Variants in OPN4 observed in about 807,000 individuals in gnomAD.
OPN4 encodes opsin 4, also known as melanopsin.
In OPN4, 43 loss-of-function variants were observed where a neutral mutation model predicts 49.5. The ratio of observed to expected loss-of-function variants is 0.87; its 90% CI spans 0.68 to 1.12. The LOEUF is 1.12. Among genes scored for constraint, OPN4 ranks in the 50% most tolerant of loss-of-function variants. The pLI is 0.00. For missense variants in OPN4, 657 were observed against 643.9 expected, an observed-to-expected ratio of 1.02 and a Z score of -0.22; for synonymous variants, 263 against 258.0, an observed-to-expected ratio of 1.02 and a Z score of -0.19.
intron 8 of OPN4, 61 bp downstream of exon 8, chr10:86,662,493 G>T: frequency 6.7e-7 from 1 of 1,487,178 alleles, no homozygotes; most frequent in South Asian, 1.2e-5. Context: ...GCAGCCCTGG[G>T]GCTCTGGGGA....
At chr10:86,657,386 G>C (rs533751407) in intron 2 of OPN4, among the ~76,000 whole-genome samples, 43 of 152,330 alleles carry the variant, frequency 2.8e-4, no homozygotes, top group African/African-American at 8.4e-4. Context: ...CAGGAGCCGA[G>C]GCTGGTGAAA....
At chr10:86,656,422 G>GCCCTGCCCTCCTTGCCT in intron 2 of OPN4, 122 bp downstream of exon 2, 4 of 1,260,220 alleles carry the variant, frequency 3.2e-6, no homozygotes, top group Non-Finnish European at 4.4e-6. Flanking sequence ...GCTAGGCAAG[G>GCCCTGCCCTCCTTGCCT]AGGGCAGGGC....
chr10:86,660,033 C>T lies in OPN4; in HGVS notation c.939C>T (p.Ser313=), dbSNP rs139597112. 105 of 1,614,210 alleles carry T rather than the reference C, an allele frequency of 6.5e-5. No homozygotes were observed. The highest frequency in any genetic ancestry group is 1.4e-4 in the South Asian group (13 of 91,080). ...TCGTGCTCTCCTGGGCTCCCTATTC[C>T]GCTGTGGCCCTGGTGGCCTTTGCTG... ...LLFVLSWAPY[S]AVALVAFAGY... is the part of the protein sequence containing the mutation. Residue 313 remains serine, a synonymous_variant, in exon 6 of 10, where the codon TCC becomes TCT. Coordinates refer to ENST00000241891, the MANE Select transcript of OPN4 (RefSeq NM_033282.4).
rs1041022881 is a variant in OPN4, at chr10:86,658,071, C to G, written c.330C>G (p.Ile110Met). ...SLRTPANMFI[I>M]NLAVSDFLMS... Reference sequence around the variant, plus strand: ...GGACACCTGCCAACATGTTCATTATCAACCTCGCGGTCAGCGACTTCCTCA... The same window carrying G: ...GGACACCTGCCAACATGTTCATTATGAACCTCGCGGTCAGCGACTTCCTCA... The change falls in exon 3 of 10, where the codon ATC becomes ATG. Residue 110 changes from isoleucine to methionine, a missense_variant. Transcript: ENST00000241891. 3 of 1,613,798 alleles carry G rather than the reference C, an allele frequency of 1.9e-6. No individual in the cohort carries two copies. The African/African-American group carries it at 4.0e-5, about 22-fold the overall frequency.
rs376526023 is a variant in OPN4 at position 86,665,796 on chromosome 10, C to A, written c.*45C>A. The A allele has an allele frequency of 2.4e-5, 36 of 1,470,094 alleles. No individual in the cohort carries two copies. The Admixed American group carries it at 2.7e-4, about 11-fold the overall frequency. The allele number at this position is 1,470,094 out of a possible 1,614,324, so 91.1% of individuals were successfully genotyped here. ...TTTCTTCTGAGACACATCCAGCCCC[C>A]CCACGTCTCCCTCATATACACAGAC... On this transcript the variant is annotated 3_prime_UTR_variant, in exon 10 of 10. Transcript: ENST00000241891.
chr10:86,659,980 A>T lies in OPN4; in HGVS notation c.886A>T (p.Lys296Ter), dbSNP rs1190911717. Residue 296 changes from lysine (K) to a stop codon, truncating the protein, a stop_gained, in exon 6 of 10, where the codon AAG becomes TAG. Transcript: ENST00000241891. LOFTEE classifies it high-confidence loss of function. ...GCTGCAGAGCGAGTGCAAGATGGCC[A>T]AGATCATGCTGCTGGTCATCCTCCT... Reference protein sequence around the residue: ...QRLQSECKMAKIMLLVILLFV... With the variant: ...QRLQSECKMA 1 of 1,614,106 alleles carries T rather than the reference A, an allele frequency of 6.2e-7. No individual in the cohort carries two copies. The highest frequency in any genetic ancestry group is 8.5e-7 in the Non-Finnish European group (1 of 1,180,034).
rs756990280 is a variant in OPN4, at chr10:86,659,322, G to A, written c.654G>A (p.Leu218=). Residue 218 remains leucine, a synonymous_variant, in exon 5 of 10, where the codon CTG becomes CTA. Coordinates refer to ENST00000241891, the MANE Select transcript of OPN4 (RefSeq NM_033282.4). ...GCGCCTACGTGCCCGAGGGGTTGCT[G>A]ACATCCTGCTCCTGGGACTACATGA... is the stretch of plus-strand genomic sequence containing the variant. ...GWSAYVPEGL[L]TSCSWDYMSF... is the part of the protein sequence containing the mutation. 2 of 1,613,288 alleles carry A rather than the reference G, an allele frequency of 1.2e-6. No homozygotes were observed. The highest frequency in any genetic ancestry group is 1.7e-6 in the Non-Finnish European group (2 of 1,179,966).
chr10:86,656,116 G>A, intron 1 of OPN4, 39 bp from the exon 2 acceptor site: 1 of 1,613,686 alleles, frequency 6.2e-7, no homozygotes, highest in Non-Finnish European at 8.5e-7. Flanking sequence ...AAGGTGACAA[G>A]CGATAACATG....
intron 2 of OPN4, among the ~76,000 whole-genome samples, chr10:86,657,018 CA>C (rs1843885416): frequency 6.6e-6 from 1 of 151,848 alleles, no homozygotes; most frequent in Non-Finnish European, 1.5e-5. Context: ...CCCTGACACC[CA>C]CCCCCAGTGT....
At chr10:86,657,120 C>A in intron 2 of OPN4, 1 of 768,882 alleles carries the variant, frequency 1.3e-6, no homozygotes, top group Middle Eastern at 2.4e-4. Flanking sequence ...AGCCCCCTGG[C>A]TCTCCCACCT....
At chr10:86,665,338 A>T (rs1471371981) in intron 9 of OPN4, among the ~76,000 whole-genome samples, 1 of 152,128 alleles carries the variant, frequency 6.6e-6, no homozygotes, top group Non-Finnish European at 1.5e-5. Context: ...GGTGAAGACC[A>T]AAGAAGGAAG....
Position 86,662,326 on chromosome 10 carries a change from C to T in OPN4, c.1148C>T (p.Pro383Leu), listed in dbSNP as rs1318475775. Residue 383 changes from proline (P) to leucine (L), a missense_variant, in exon 8 of 10, where the codon CCC becomes CTC. Coordinates refer to ENST00000241891, the MANE Select transcript of OPN4 (RefSeq NM_033282.4). ...GVSRRHSRPY[P>L]SYRSTHRSTL... is the part of the protein sequence containing the mutation. ...TCACGCCGGCACAGTCGCCCCTACC[C>T]CAGCTACCGCTCCACCCACCGCTCC... The T allele has an allele frequency of 1.9e-6, 3 of 1,604,462 alleles. No individual in the cohort carries two copies. Among genetic ancestry groups the T allele is most frequent in the South Asian group, 1.1e-5 (1 of 88,978 alleles).
In OPN4 at chr10:86,657,584, A is replaced by G. The variant is rs112895465; in HGVS notation, c.291-448A>G. ...ATGGGAAAGCACAGTCAGGGCACGC[A>G]GGAGGAGGAACCTAGGGAGAAACCT... On this transcript the variant is annotated intron_variant, in intron 2 of 9. Transcript: ENST00000241891. 1.9e-4 allele frequency among the ~76,000 whole-genome samples: 29 copies of G among 152,308 alleles called. 1 individual carries two copies. The highest frequency in any genetic ancestry group is 6.0e-4 in the African/African-American group (25 of 41,570).
intron 9 of OPN4, chr10:86,664,049 ACT>A: frequency 2.2e-6 from 1 of 464,280 alleles, no homozygotes; most frequent in East Asian, 3.7e-5. Context: ...TGCAACTCTG[ACT>A]CTGCATGGTG....
chr10:86,666,436 AG>A lies in OPN4; in HGVS notation c.*686del. The A allele has an allele frequency of 4.3e-6, 1 of 231,956 alleles. No individual in the cohort carries two copies. Among genetic ancestry groups the A allele is most frequent in the Non-Finnish European group, 8.8e-6 (1 of 113,550 alleles). The allele number at this position is 231,956 out of a possible 1,614,324, so 14.4% of individuals were successfully genotyped here. On this transcript the variant is annotated 3_prime_UTR_variant, in exon 10 of 10. Transcript: ENST00000241891. The stretch of plus-strand genomic sequence containing the variant: ...TCTGACAGGGTATAGGAAAATAAAA[AG>A]CGGAGAAGGTGTCTTCAGACAAATA...
chr10:86,658,114 C>T lies in OPN4; in HGVS notation c.373C>T (p.Pro125Ser). The T allele has an allele frequency of 1.9e-6, 3 of 1,614,140 alleles. No individual in the cohort carries two copies. The highest frequency in any genetic ancestry group is 2.5e-6 in the Non-Finnish European group (3 of 1,180,028). ...SDFLMSFTQA[P>S]VFFTSSLYKQ... ...CTTCCTCATGTCCTTCACCCAGGCC[C>T]CTGTCTTCTTCACCAGTAGCCTCTA... Residue 125 changes from proline (P) to serine (S), a missense_variant, in exon 3 of 10, where the codon CCT (proline) becomes TCT (serine). Pro to Ser is a moderately conservative substitution (Grantham distance 74). Transcript: ENST00000241891.
chr10:86,665,872 T>A lies in OPN4; in HGVS notation c.*121T>A, dbSNP rs1844160981. The A allele has an allele frequency of 2.5e-6, 2 of 794,238 alleles. No individual in the cohort carries two copies. Among genetic ancestry groups the A allele is most frequent in the South Asian group, 3.2e-5 (2 of 63,172 alleles). The allele number at this position is 794,238 out of a possible 1,614,324, so 49.2% of individuals were successfully genotyped here. ...GCTTTGGAAGTGGCCCTGTCACCCGTGCTGCACGGGATTCACAGCCCCAGC... is the reference window on the plus strand; with the variant it reads ...GCTTTGGAAGTGGCCCTGTCACCCGAGCTGCACGGGATTCACAGCCCCAGC... On this transcript the variant is annotated 3_prime_UTR_variant, in exon 10 of 10. Coordinates refer to ENST00000241891, the MANE Select transcript of OPN4 (RefSeq NM_033282.4).
Position 86,658,498 on chromosome 10 carries a change from GC to G in OPN4, c.441del (p.Phe148SerfsTer11), listed in dbSNP as rs769563947. 1.2e-6 allele frequency: 2 copies of G among 1,614,176 alleles called. No individual in the cohort carries two copies. The highest frequency in any genetic ancestry group is 1.7e-6 in the Non-Finnish European group (2 of 1,180,040). Reference sequence around the variant, plus strand: ...TGTGCCCACAGGCTGCGAGTTCTATGCCTTCTGTGGAGCTCTCTTTGGCATT... The same window carrying G: ...TGTGCCCACAGGCTGCGAGTTCTATGCTTCTGTGGAGCTCTCTTTGGCATT... ...LFGETGCEFY[A>X]FCGALFGISS... On this transcript the variant is annotated frameshift_variant, in exon 4 of 10. Coordinates refer to ENST00000241891, the MANE Select transcript of OPN4 (RefSeq NM_033282.4). LOFTEE classifies it high-confidence loss of function.
chr10:86,664,129 G>A (rs2675695), intron 9 of OPN4: 7,515 of 258,480 alleles, frequency 0.029, 271 homozygotes, highest in Admixed American at 0.12. Flanking sequence ...GTCTGCAGCC[G>A]TCAGAGCATA....
Sources: allele counts gnomAD v4.1 joint callset (sites outside exome capture counted in the v4.1 genomes callset), GRCh38; gene constraint gnomAD v4.1.1; transcripts MANE v1.5; gene names NCBI Gene and HGNC (gene_info 2026-07-23, HGNC 2026-07-21).